ADAMTS17: variants seen among roughly 807,000 people sequenced by gnomAD.
The protein encoded by ADAMTS17 is A disintegrin and metalloproteinase with thrombospondin motifs 17.
ADAMTS17 carries 113 observed loss-of-function variants against 141.5 expected under a neutral mutation model. The observed-to-expected ratio is 0.80, with a 90% CI of 0.69 to 0.93. The LOEUF (loss-of-function observed/expected upper bound fraction) is 0.93, where lower values mean the gene tolerates loss of function less well. Among genes scored for constraint, ADAMTS17 ranks in the 40% least tolerant of loss-of-function variants. The pLI is 0.00. For synonymous variants in ADAMTS17, 768 were observed against 630.6 expected (o/e 1.22, Z -3.27); for missense variants, 1,659 against 1,517.9 (o/e 1.09, Z -1.54).
Position 99,993,304 on chromosome 15 carries a change from C to A in ADAMTS17, c.2797-104G>T. 2.0e-6 allele frequency: 3 copies of A among 1,505,700 alleles called. No individual in the cohort carries two copies. The highest frequency in any genetic ancestry group is 2.7e-6 in the Non-Finnish European group (3 of 1,091,344). The allele number at this position is 1,505,700 out of a possible 1,614,324, so 93.3% of individuals were successfully genotyped here. A position where few individuals can be genotyped will look rare whatever the true frequency, so the allele number is the denominator to read the frequency against. On this transcript the variant is annotated intron_variant, in intron 19 of 21. Coordinates refer to ENST00000268070, the MANE Select transcript of ADAMTS17 (RefSeq NM_139057.4). The surrounding 1 kb of genome is among the most constrained non-coding windows in gnomAD (Gnocchi z 4.3). ...TGCCAGGTGCGGTGTGGGGATGATA[C>A]AAAGATGAAAACCCACACTTCTGTC... is the stretch of plus-strand genomic sequence containing the variant.
intron 8 of ADAMTS17, among the ~76,000 whole-genome samples, chr15:100,188,775 A>T (rs991794550): frequency 6.6e-5 from 10 of 152,210 alleles, no homozygotes; most frequent in Admixed American, 6.5e-4. Flanking sequence ...CAAATTCCAA[A>T]GCCAGCTGAC....
At chr15:100,050,020 G>A (rs1464685725) in intron 17 of ADAMTS17, among the ~76,000 whole-genome samples, 1 of 152,194 alleles carries the variant, frequency 6.6e-6, no homozygotes, top group Non-Finnish European at 1.5e-5. Context: ...CAACTATTTG[G>A]ATCCTGGGCT....
At chr15:100,002,692 A>G (rs1344416213) in intron 18 of ADAMTS17, among the ~76,000 whole-genome samples, 1 of 152,120 alleles carries the variant, frequency 6.6e-6, no homozygotes, top group Non-Finnish European at 1.5e-5. Flanking sequence ...TCTTGATTTG[A>G]GCAATTTGGA....
intron 14 of ADAMTS17, among the ~76,000 whole-genome samples, chr15:100,105,573 C>G (rs1441153885): frequency 2.0e-5 from 3 of 152,106 alleles, no homozygotes; most frequent in African/African-American, 7.2e-5. Flanking sequence ...CCGTTCATAC[C>G]AACGTGATAG....
chr15:100,148,227 C>T (rs1309950105), intron 10 of ADAMTS17, among the ~76,000 whole-genome samples: 1 of 152,234 alleles, frequency 6.6e-6, no homozygotes, highest in Non-Finnish European at 1.5e-5. Context: ...CAATTATATT[C>T]TTACTGTTTT....
At chr15:100,137,105 C>T (rs1393845698) in intron 10 of ADAMTS17, among the ~76,000 whole-genome samples, 2 of 152,216 alleles carry the variant, frequency 1.3e-5, no homozygotes, top group Admixed American at 1.3e-4. Flanking sequence ...GGAGAAGTTA[C>T]CACAGGACGA....
intron 8 of ADAMTS17, among the ~76,000 whole-genome samples, chr15:100,188,265 C>T (rs930370706): frequency 3.3e-5 from 5 of 151,908 alleles, no homozygotes; most frequent in South Asian, 4.2e-4. Flanking sequence ...TTAGTAGAGA[C>T]GGGGTTTCTC....
At chr15:100,337,419 C>A (rs1321935733) in intron 2 of ADAMTS17, among the ~76,000 whole-genome samples, 3 of 152,234 alleles carry the variant, frequency 2.0e-5, no homozygotes, top group Non-Finnish European at 2.9e-5. Flanking sequence ...GTGGCTGTGG[C>A]AACAGAAGAG....
chr15:100,099,141 C>G (rs1243347103), intron 14 of ADAMTS17, among the ~76,000 whole-genome samples: 2 of 152,186 alleles, frequency 1.3e-5, no homozygotes, highest in East Asian at 3.9e-4. Flanking sequence ...GGAATGCATA[C>G]AGCGTTGCCC....
intron 3 of ADAMTS17, among the ~76,000 whole-genome samples, chr15:100,285,112 A>C (rs1273970279): frequency 6.6e-6 from 1 of 152,236 alleles, no homozygotes; most frequent in Non-Finnish European, 1.5e-5. Context: ...CTGACTTGGA[A>C]AATTTTCAGT....
Position 100,330,520 on chromosome 15 carries a change from G to A in ADAMTS17, c.616+369C>T, listed in dbSNP as rs542196928. Among the ~76,000 whole-genome samples the A allele has an allele frequency of 2.6e-5, 4 of 152,262 alleles. No individual in the cohort carries two copies. The East Asian group carries it at 7.7e-4, about 29-fold the overall frequency. ...CGCCCCAGGTGGCTTTAGTTACTGC[G>A]GCCAGAACTCGGGAGCACTGTATTA... On this transcript the variant is annotated intron_variant, in intron 3 of 21. Transcript: ENST00000268070.
chr15:100,195,156 CTGT>C (rs1220499742), intron 8 of ADAMTS17, among the ~76,000 whole-genome samples: 1 of 152,214 alleles, frequency 6.6e-6, no homozygotes, highest in African/African-American at 2.4e-5. Flanking sequence ...AGCCTCCAGG[CTGT>C]TGTTAGCGTG....
chr15:100,323,084 CAAAAAAAAA>C (rs60468549), intron 3 of ADAMTS17, among the ~76,000 whole-genome samples: 1 of 107,488 alleles, frequency 9.3e-6, no homozygotes, highest in African/African-American at 4.0e-5. Flanking sequence ...GACTCCGTCT[CAAAAAAAAA>C]AAAAAAAAAA....
chr15:100,154,139 C>T (rs915923208), intron 9 of ADAMTS17, among the ~76,000 whole-genome samples: 3 of 152,132 alleles, frequency 2.0e-5, no homozygotes, highest in Non-Finnish European at 4.4e-5. Context: ...CAAGATCGCA[C>T]CACTGCACTC....
At chr15:100,055,479 T>C (rs2032489109) in intron 15 of ADAMTS17, among the ~76,000 whole-genome samples, 1 of 152,154 alleles carries the variant, frequency 6.6e-6, no homozygotes, top group South Asian at 2.1e-4. Flanking sequence ...GCTCAGGGCT[T>C]CTCGTGTTAG....
chr15:100,102,501 C>T (rs544501566), intron 14 of ADAMTS17, among the ~76,000 whole-genome samples: 2 of 116,644 alleles, frequency 1.7e-5, no homozygotes, highest in African/African-American at 3.6e-5. Context: ...ATTTGAGGGC[C>T]GACCGAAGGG....
chr15:100,117,539 C>T (rs560677911), intron 12 of ADAMTS17, among the ~76,000 whole-genome samples: 4 of 152,156 alleles, frequency 2.6e-5, no homozygotes, highest in Non-Finnish European at 4.4e-5. Context: ...CAGTTAGATC[C>T]GGGCTGTGCT....
At chr15:100,273,193 T>A (rs546075347) in intron 4 of ADAMTS17, among the ~76,000 whole-genome samples, 14 of 152,298 alleles carry the variant, frequency 9.2e-5, no homozygotes, top group African/African-American at 3.1e-4. Context: ...GGCTTTGTTA[T>A]CAGGGAATGC....
At chr15:100,176,353 T>C (rs2040339048) in intron 8 of ADAMTS17, among the ~76,000 whole-genome samples, 1 of 152,200 alleles carries the variant, frequency 6.6e-6, no homozygotes, top group Non-Finnish European at 1.5e-5. Context: ...AGGCTACGTG[T>C]TGGAGTCGCC....
Sources: allele counts gnomAD v4.1 joint callset (sites outside exome capture counted in the v4.1 genomes callset), GRCh38; gene constraint gnomAD v4.1.1; non-coding constraint Gnocchi (gnomAD v3.1); transcripts MANE v1.5; gene names NCBI Gene and HGNC (gene_info 2026-07-23, HGNC 2026-07-21).